VWA8: variants seen among roughly 807,000 people sequenced by gnomAD.
VWA8 encodes the protein von Willebrand factor A domain containing 8, also known as von Willebrand factor A domain-containing protein 8.
A neutral mutation model predicts 241.5 loss-of-function variants in VWA8; 221 were observed. The observed-to-expected ratio is 0.91, with a 90% CI of 0.82 to 1.02. VWA8 has a LOEUF of 1.02. Ranked by LOEUF, VWA8 falls within the 50% of genes least tolerant of loss-of-function variation. VWA8 has a pLI of 0.00. For synonymous variants in VWA8, 852 were observed against 827.1 expected, an observed-to-expected ratio of 1.03 and a Z score of -0.52; for missense variants, 2,322 against 2,328.7, an observed-to-expected ratio of 1.00 and a Z score of 0.06.
rs543021636 is a variant in VWA8 at position 41,573,474 on chromosome 13, T to TA, written c.5370+2265dup. ...CTAGCACAACAGGGTGGCTATAGTTTAAAAAAAAAAAAATATATATATATA... is the reference window on the plus strand; with the variant it reads ...CTAGCACAACAGGGTGGCTATAGTTTAAAAAAAAAAAAAATATATATATATA... On this transcript the variant is annotated intron_variant, in intron 43 of 44. Transcript: ENST00000379310. 8.6e-3 allele frequency among the ~76,000 whole-genome samples: 1,090 copies of TA among 126,702 alleles called. 12 individuals are homozygous for TA. Among genetic ancestry groups the TA allele is most frequent in the African/African-American group, 0.01 (302 of 29,414 alleles). The allele number at this position is 126,702 out of a possible 152,430, so 83.1% of individuals were successfully genotyped here. A position where few individuals can be genotyped will look rare whatever the true frequency, so the allele number is the denominator to read the frequency against.
At chr13:41,854,466 ATATTT>A (rs1872658650) in intron 12 of VWA8, among the ~76,000 whole-genome samples, 1 of 149,780 alleles carries the variant, frequency 6.7e-6, no homozygotes, top group African/African-American at 2.4e-5. Context: ...TTTTATTGTT[ATATTT>A]ATTTATAAAT....
At chr13:41,663,603 T>C (rs1475338662) in intron 37 of VWA8, among the ~76,000 whole-genome samples, 2 of 152,194 alleles carry the variant, frequency 1.3e-5, no homozygotes, top group Admixed American at 1.3e-4. Context: ...ATTTCAGACA[T>C]TGTCTATTGA....
At chr13:41,939,038 C>A (rs1472234783) in intron 2 of VWA8, among the ~76,000 whole-genome samples, 2 of 152,140 alleles carry the variant, frequency 1.3e-5, no homozygotes, top group Non-Finnish European at 2.9e-5. Flanking sequence ...CATTTAAAAG[C>A]ACAATGTTGT....
chr13:41,761,309 T>C (rs2137906750), intron 20 of VWA8, 105 bp from the exon 21 acceptor site: 4 of 1,096,826 alleles, frequency 3.6e-6, no homozygotes, highest in South Asian at 2.8e-5. Flanking sequence ...CTCACCTTGT[T>C]ACTGTTTTAG....
chr13:41,578,690 A>G (rs2044365007), intron 42 of VWA8, among the ~76,000 whole-genome samples: 1 of 152,186 alleles, frequency 6.6e-6, no homozygotes, highest in African/African-American at 2.4e-5. Flanking sequence ...TCAATAAACA[A>G]GATCCTCACT....
rs1467030256 is a variant in VWA8 at position 41,768,187 on chromosome 13, C to T, written c.2350-6983G>A. ...TAAGTTATCAAATTCCCTGCTGCCA[C>T]TACCAGCTGGGGGACACAGGCAAGA... On this transcript the variant is annotated intron_variant, in intron 20 of 44. Coordinates refer to ENST00000379310, the MANE Select transcript of VWA8 (RefSeq NM_015058.2). Among the ~76,000 whole-genome samples the T allele has an allele frequency of 6.1e-4, 93 of 152,358 alleles. 2 individuals carry two copies. The highest frequency in any genetic ancestry group is 7.3e-5 in the Non-Finnish European group (5 of 68,038).
intron 35 of VWA8, among the ~76,000 whole-genome samples, chr13:41,678,134 G>A (rs899012038): frequency 4.6e-5 from 7 of 152,152 alleles, no homozygotes; most frequent in African/African-American, 1.7e-4. Context: ...CTGGGGACTT[G>A]GAAAGGATTC....
chr13:41,794,347 C>G (rs962842482), intron 17 of VWA8, among the ~76,000 whole-genome samples: 3 of 152,150 alleles, frequency 2.0e-5, no homozygotes, highest in African/African-American at 7.2e-5. Context: ...AGAGGTCCTT[C>G]AATTCCCTTG....
At chr13:41,851,719 C>T (rs537704098) in intron 12 of VWA8, among the ~76,000 whole-genome samples, 46 of 152,180 alleles carry the variant, frequency 3.0e-4, no homozygotes, top group African/African-American at 9.9e-4. Context: ...TTCCCAGTCT[C>T]GGGTGTGTCT....
intron 35 of VWA8, among the ~76,000 whole-genome samples, chr13:41,679,493 C>A (rs1005400609): frequency 2.0e-5 from 3 of 152,110 alleles, no homozygotes; most frequent in Non-Finnish European, 4.4e-5. Context: ...TTCAAAAAAA[C>A]ATTGTACTGC....
chr13:41,848,516 TGTGATA>T (rs1405495261), intron 12 of VWA8, among the ~76,000 whole-genome samples: 2 of 152,090 alleles, frequency 1.3e-5, no homozygotes, highest in Non-Finnish European at 2.9e-5. Flanking sequence ...ATGCTGTTCT[TGTGATA>T]GTGAGTGAGT....
At chr13:41,825,559 C>T (rs978764266) in intron 14 of VWA8, among the ~76,000 whole-genome samples, 1 of 152,018 alleles carries the variant, frequency 6.6e-6, no homozygotes, top group African/African-American at 2.4e-5. Flanking sequence ...GCAAGTGATA[C>T]CCCCCGAGCA....
rs1312029139 is a variant in VWA8, at chr13:41,873,800, T to C, written c.1081-5323A>G. The stretch of plus-strand genomic sequence containing the variant: ...TTCCTTCTGAAACTATTCCAATCAA[T>C]AGAAAAAGAGGGAATCCTCCCTAAC... On this transcript the variant is annotated intron_variant, in intron 9 of 44. Coordinates refer to ENST00000379310, the MANE Select transcript of VWA8 (RefSeq NM_015058.2). 4.6e-5 allele frequency among the ~76,000 whole-genome samples: 7 copies of C among 152,042 alleles called. No homozygotes were observed. The East Asian group carries it at 5.8e-4, about 13-fold the overall frequency.
chr13:41,944,812 CTCGGGGCATTTG>C (rs1476041304), intron 2 of VWA8, among the ~76,000 whole-genome samples: 1 of 149,090 alleles, frequency 6.7e-6, no homozygotes, highest in African/African-American at 2.5e-5. Context: ...ACAGCACTAA[CTCGGGGCATTTG>C]TCAAAAAAAA....
chr13:41,748,027 A>G lies in VWA8; in HGVS notation c.2426+13101T>C, dbSNP rs549792299. Among the ~76,000 whole-genome samples, 13 of 152,280 alleles carry G rather than the reference A, an allele frequency of 8.5e-5. 1 individual carries two copies. Among genetic ancestry groups the G allele is most frequent in the Admixed American group, 4.6e-4 (7 of 15,282 alleles). ...GTATTTTATTGAGGATTTTTGCATCAATGTTCATCAGGGATATTGGTCTAA... is the reference window on the plus strand; with the variant it reads ...GTATTTTATTGAGGATTTTTGCATCGATGTTCATCAGGGATATTGGTCTAA... On this transcript the variant is annotated intron_variant, in intron 21 of 44. Transcript: ENST00000379310.
At chr13:41,855,085 T>TA (rs1872685043) in intron 12 of VWA8, among the ~76,000 whole-genome samples, 2 of 151,862 alleles carry the variant, frequency 1.3e-5, no homozygotes, top group Admixed American at 1.3e-4. Flanking sequence ...GAGTCGTGAT[T>TA]AAAAAATGTG....
At chr13:41,587,130 G>T (rs747832239) in intron 42 of VWA8, among the ~76,000 whole-genome samples, 18 of 152,184 alleles carry the variant, frequency 1.2e-4, no homozygotes, top group Non-Finnish European at 2.4e-4. Context: ...TGTGGAAATG[G>T]AACGTGATAC....
chr13:41,863,360 TTA>T (rs150748985), intron 12 of VWA8, among the ~76,000 whole-genome samples: 17,902 of 138,562 alleles, frequency 0.13, 1,425 homozygotes, highest in East Asian at 0.22. Context: ...AAACTCCTCT[TTA>T]TATATATATA....
chr13:41,873,923 C>T (rs1455667124), intron 9 of VWA8, among the ~76,000 whole-genome samples: 3 of 152,056 alleles, frequency 2.0e-5, no homozygotes, highest in Admixed American at 1.3e-4. Flanking sequence ...AACATTGATG[C>T]AAAAATCCTC....
Sources: allele counts gnomAD v4.1 joint callset (sites outside exome capture counted in the v4.1 genomes callset), GRCh38; gene constraint gnomAD v4.1.1; transcripts MANE v1.5; gene names NCBI Gene and HGNC (gene_info 2026-07-23, HGNC 2026-07-21).